The following KCNIP3 variants were observed in gnomAD, a reference collection of about 807,000 sequenced individuals.
KCNIP3 encodes potassium voltage-gated channel interacting protein 3.
A neutral mutation model predicts 35.0 loss-of-function variants in KCNIP3; 28 were observed. The ratio of observed to expected loss-of-function variants is 0.80; its 90% CI spans 0.59 to 1.10. The LOEUF is 1.10. Among genes scored for constraint, KCNIP3 ranks in the 50% least tolerant of loss-of-function variants. KCNIP3 has a pLI of 0.00. For missense variants in KCNIP3, 295 were observed against 338.4 expected, an observed-to-expected ratio of 0.87 and a Z score of 1.01; for synonymous variants, 134 against 133.8, an observed-to-expected ratio of 1.00 and a Z score of -0.01.
Position 95,297,480 on chromosome 2 carries a change from C to T in KCNIP3, c.15+27C>T, listed in dbSNP as rs1269295454. ...TAGGTGCTGGGGGAATGGGGTCTTG[C>T]TCTGGAGGGGGGTCGGGGGGAGGAA... On this transcript the variant is annotated intron_variant, in intron 1 of 8. Transcript: ENST00000295225. 1.0e-5 allele frequency: 7 copies of T among 669,046 alleles called. 1 individual carries two copies. Among genetic ancestry groups the T allele is most frequent in the South Asian group, 4.1e-5 (2 of 48,650 alleles). 41.4% of individuals were successfully genotyped at this position (669,046 alleles called of 1,614,324 possible).
chr2:95,314,931 G>A (rs1678414644), intron 2 of KCNIP3, among the ~76,000 whole-genome samples: 1 of 152,182 alleles, frequency 6.6e-6, no homozygotes. Flanking sequence ...CACCCGACAG[G>A]GCAGCCCTGG....
chr2:95,342,318 C>T (rs745684768), intron 2 of KCNIP3, among the ~76,000 whole-genome samples: 1 of 152,194 alleles, frequency 6.6e-6, no homozygotes, highest in African/African-American at 2.4e-5. Context: ...CAACTTCTTC[C>T]TCCTTTCCAG....
chr2:95,384,528 A>G lies in KCNIP3; in HGVS notation c.*479A>G, dbSNP rs963384369. On this transcript the variant is annotated 3_prime_UTR_variant, in exon 9 of 9. Coordinates refer to ENST00000295225, the MANE Select transcript of KCNIP3 (RefSeq NM_013434.5). ...CGTAGCCACTCTCTGCCCACTACCT[A>G]TGCTTCTAGAAAGCCCCTCACCTCA... 3.7e-5 allele frequency: 6 copies of G among 162,518 alleles called. No individual in the cohort carries two copies. The highest frequency in any genetic ancestry group is 3.5e-4 in the South Asian group (2 of 5,642). 10.1% of individuals were successfully genotyped at this position (162,518 alleles called of 1,614,324 possible).
chr2:95,325,174 G>A (rs114548923), intron 2 of KCNIP3, among the ~76,000 whole-genome samples: 1,656 of 152,268 alleles, frequency 0.011, 12 homozygotes, highest in Middle Eastern at 0.027. Flanking sequence ...ACCCCAACTC[G>A]GGTGGCTGAG....
intron 1 of KCNIP3, among the ~76,000 whole-genome samples, chr2:95,304,631 G>A (rs550024539): frequency 6.6e-6 from 1 of 152,228 alleles, no homozygotes; most frequent in Admixed American, 6.5e-5. Flanking sequence ...GCATGAGAAC[G>A]GGTGAGCTAG....
intron 2 of KCNIP3, among the ~76,000 whole-genome samples, chr2:95,320,726 G>A (rs1558761886): frequency 6.6e-6 from 1 of 152,084 alleles, no homozygotes; most frequent in Non-Finnish European, 1.5e-5. Context: ...AGACCCAACT[G>A]GCCCTGCATC....
At chr2:95,367,017 C>G (rs981353353) in intron 2 of KCNIP3, among the ~76,000 whole-genome samples, 1 of 152,104 alleles carries the variant, frequency 6.6e-6, no homozygotes, top group Non-Finnish European at 1.5e-5. Flanking sequence ...AATCCCAGCA[C>G]TTTTGGAGGC....
At chr2:95,374,578 G>A (rs553918263) in intron 3 of KCNIP3, among the ~76,000 whole-genome samples, 158 bp downstream of exon 3, 3 of 152,312 alleles carry the variant, frequency 2.0e-5, no homozygotes, top group Admixed American at 1.3e-4. Flanking sequence ...AATGGGCATC[G>A]CTGAGGCCGC....
At chr2:95,327,345 TAAG>T (rs746834322) in intron 2 of KCNIP3, among the ~76,000 whole-genome samples, 5 of 152,140 alleles carry the variant, frequency 3.3e-5, no homozygotes, top group Non-Finnish European at 5.9e-5. Flanking sequence ...ACCTGCTTTT[TAAG>T]AACCCTGGAT....
chr2:95,359,257 C>T (rs1415394962), intron 2 of KCNIP3, among the ~76,000 whole-genome samples: 4 of 152,152 alleles, frequency 2.6e-5, no homozygotes, highest in Admixed American at 2.6e-4. Flanking sequence ...AGGCAAATTC[C>T]TCTCCAGCTG....
intron 2 of KCNIP3, among the ~76,000 whole-genome samples, chr2:95,321,400 C>T (rs189790923): frequency 3.9e-5 from 6 of 152,296 alleles, no homozygotes; most frequent in East Asian, 3.9e-4. Context: ...ACAGGGCAGG[C>T]GCCCCGGATG....
chr2:95,363,842 G>T (rs1442489096), intron 2 of KCNIP3, among the ~76,000 whole-genome samples: 1 of 152,066 alleles, frequency 6.6e-6, no homozygotes, highest in Admixed American at 6.6e-5. Context: ...TTTTCTAGAT[G>T]GTTATTACTG....
chr2:95,299,905 C>T (rs2104193273), intron 1 of KCNIP3, among the ~76,000 whole-genome samples: 1 of 152,358 alleles, frequency 6.6e-6, no homozygotes, highest in South Asian at 2.1e-4. Context: ...GACATTGTCT[C>T]CCGCATTATC....
chr2:95,359,480 A>G (rs945687960), intron 2 of KCNIP3, among the ~76,000 whole-genome samples: 14 of 151,974 alleles, frequency 9.2e-5, no homozygotes, highest in African/African-American at 3.4e-4. Context: ...GGCCCTGGGC[A>G]CCCCCACCCC....
At chr2:95,308,317 G>A (rs1678228560) in intron 1 of KCNIP3, among the ~76,000 whole-genome samples, 1 of 152,222 alleles carries the variant, frequency 6.6e-6, no homozygotes, top group African/African-American at 2.4e-5. Flanking sequence ...GGGACGTGCA[G>A]GGGTTGTTGC....
intron 6 of KCNIP3, 119 bp downstream of exon 6, chr2:95,381,822 G>C (rs1680353767): frequency 2.7e-6 from 2 of 733,712 alleles, no homozygotes; most frequent in Non-Finnish European, 4.7e-6. Context: ...TGTCCATCCA[G>C]AGACTGGCCC....
chr2:95,357,360 GC>G (rs1237953853), intron 2 of KCNIP3, among the ~76,000 whole-genome samples: 3 of 152,182 alleles, frequency 2.0e-5, no homozygotes, highest in Non-Finnish European at 4.4e-5. Context: ...GAGATCCCCG[GC>G]CTGGGACAGG....
chr2:95,374,224 C>T, intron 2 of KCNIP3, 72 bp from the exon 3 acceptor site: 1 of 1,571,162 alleles, frequency 6.4e-7, no homozygotes, highest in East Asian at 2.3e-5. Context: ...GGCCCATGCC[C>T]TGGCCACACT....
chr2:95,300,777 C>G (rs949282185), intron 1 of KCNIP3, among the ~76,000 whole-genome samples: 10 of 152,198 alleles, frequency 6.6e-5, no homozygotes, highest in African/African-American at 2.4e-4. Flanking sequence ...TGAGCTGAGA[C>G]GGGAGGGCAG....
Sources: allele counts gnomAD v4.1 joint callset (sites outside exome capture counted in the v4.1 genomes callset), GRCh38; gene constraint gnomAD v4.1.1; transcripts MANE v1.5; gene names NCBI Gene and HGNC (gene_info 2026-07-23, HGNC 2026-07-21).